PIGX: variants seen among roughly 807,000 people sequenced by gnomAD.
The protein encoded by PIGX is GPI alpha-1,4-mannosyltransferase I, stabilizing subunit.
PIGX carries 24 observed loss-of-function variants against 28.7 expected under a neutral mutation model. That is an observed-to-expected ratio of 0.84 (90% CI 0.60 to 1.17). PIGX has a LOEUF of 1.17. PIGX is among the 50% of genes most tolerant of loss of function. The pLI is 0.00. For missense variants in PIGX, 305 were observed against 317.8 expected (o/e 0.96, Z 0.31); for synonymous variants, 127 against 121.0 (o/e 1.05, Z -0.33).
Position 196,735,291 on chromosome 3 carries a change from T to G in PIGX, c.*1389T>G, listed in dbSNP as rs1712960873. On this transcript the variant is annotated 3_prime_UTR_variant, in exon 6 of 6. Transcript: ENST00000392391. The stretch of plus-strand genomic sequence containing the variant: ...GCCTGGGCGACAGAGTGAGACTCTG[T>G]CTCAAAAAAAAAAAAAAAAAAAAAA... 1 of 35,244 alleles carries G rather than the reference T, an allele frequency of 2.8e-5. No individual in the cohort carries two copies. The highest frequency in any genetic ancestry group is 4.6e-5 in the Non-Finnish European group (1 of 21,650). 2.2% of individuals were successfully genotyped at this position (35,244 alleles called of 1,614,324 possible). A position where few individuals can be genotyped will look rare whatever the true frequency, so the allele number is the denominator to read the frequency against.
intron 3 of PIGX, among the ~76,000 whole-genome samples, chr3:196,723,535 G>C (rs1005215637): frequency 2.0e-5 from 3 of 151,950 alleles, no homozygotes; most frequent in Non-Finnish European, 4.4e-5. Flanking sequence ...CTTTTGTACA[G>C]AGTATTGCCT....
chr3:196,733,912 A>G lies in PIGX; in HGVS notation c.*10A>G. 1 of 1,526,332 alleles carries G rather than the reference A, an allele frequency of 6.6e-7. No individual in the cohort carries two copies. 94.5% of individuals were successfully genotyped at this position (1,526,332 alleles called of 1,614,324 possible). A position where few individuals can be genotyped will look rare whatever the true frequency, so the allele number is the denominator to read the frequency against. On this transcript the variant is annotated 3_prime_UTR_variant, in exon 6 of 6. Transcript: ENST00000392391. The surrounding 1 kb of genome is among the most constrained non-coding windows in gnomAD (Gnocchi z 4.3). ...CCATTTTTCCCTATAAGTTTTATGT[A>G]GTTAAATGCTTCCTAGAAACCTAAA...
At position 196,712,642 on chromosome 3, in the gene PIGX, C is replaced by G; in HGVS notation, c.110C>G (p.Ala37Gly). Residue 37 changes from alanine (A) to glycine (G), a missense_variant and splice_region_variant, in exon 1 of 6, where the codon GCC (alanine) becomes GGC (glycine). Transcript: ENST00000392391. ...GCCTTCACCGCCGCGCGCTCTGACG[C>G]CGGTAAGGGGGGCGGGGCTTGGGGG... 8.4e-7 allele frequency: 1 copy of G among 1,189,302 alleles called. No homozygotes were observed. Among genetic ancestry groups the G allele is most frequent in the Non-Finnish European group, 1.0e-6 (1 of 960,408 alleles). The allele number at this position is 1,189,302 out of a possible 1,614,324, so 73.7% of individuals were successfully genotyped here.
intron 3 of PIGX, among the ~76,000 whole-genome samples, chr3:196,727,421 T>C (rs1712567031): frequency 6.6e-6 from 1 of 152,236 alleles, no homozygotes; most frequent in African/African-American, 2.4e-5. Flanking sequence ...ATACCGTCTC[T>C]AGAAAGAGTG....
intron 4 of PIGX, among the ~76,000 whole-genome samples, chr3:196,730,647 C>T (rs1394727541): frequency 2.0e-5 from 3 of 149,282 alleles, no homozygotes; most frequent in Non-Finnish European, 4.4e-5. Context: ...ACTCTGGAGG[C>T]TGAGGCAGGA....
Position 196,735,279 on chromosome 3 carries a change from A to C in PIGX, c.*1377A>C, listed in dbSNP as rs1712960292. Reference sequence around the variant, plus strand: ...CACTGCACTCCAGCCTGGGCGACAGAGTGAGACTCTGTCTCAAAAAAAAAA... The same window carrying C: ...CACTGCACTCCAGCCTGGGCGACAGCGTGAGACTCTGTCTCAAAAAAAAAA... On this transcript the variant is annotated 3_prime_UTR_variant, in exon 6 of 6. Coordinates refer to ENST00000392391, the MANE Select transcript of PIGX (RefSeq NM_017861.4). 1 of 119,682 alleles carries C rather than the reference A, an allele frequency of 8.4e-6. No homozygotes were observed. Among genetic ancestry groups the C allele is most frequent in the South Asian group, 3.1e-4 (1 of 3,240 alleles). The allele number at this position is 119,682 out of a possible 1,614,324, so 7.4% of individuals were successfully genotyped here. A position where few individuals can be genotyped will look rare whatever the true frequency, so the allele number is the denominator to read the frequency against.
At chr3:196,728,889 G>T in intron 4 of PIGX, 1 of 572,010 alleles carries the variant, frequency 1.7e-6, no homozygotes, top group Non-Finnish European at 3.1e-6. Flanking sequence ...GCAGGACTCT[G>T]GCTTTTGATG....
Position 196,733,779 on chromosome 3 carries a change from A to G in PIGX, c.654A>G (p.Leu218=), listed in dbSNP as rs113769889. The G allele has an allele frequency of 3.8e-6, 6 of 1,594,596 alleles. No homozygotes were observed. Among genetic ancestry groups the G allele is most frequent in the Admixed American group, 1.7e-5 (1 of 59,986 alleles). ...CATAGGTATATAAGAATGTGATTCT[A>G]CAAGTTCCAGTGGGACTGACTGTAC... Residue 218 remains leucine, a synonymous_variant, in exon 6 of 6, where the codon CTA becomes CTG. Coordinates refer to ENST00000392391, the MANE Select transcript of PIGX (RefSeq NM_017861.4). This position sits in a 1 kb window ranked among gnomAD's most constrained non-coding sequence, Gnocchi z 4.3.
rs1712907949 is a variant in PIGX, at chr3:196,733,694, T to G, written c.634-65T>G. ...TCCCGAAGTGCTGGGATTACAGGCA[T>G]GAGCTACCACACCGGGCCCATGACA... On this transcript the variant is annotated intron_variant, in intron 5 of 5. Transcript: ENST00000392391. The surrounding 1 kb of genome is among the most constrained non-coding windows in gnomAD (Gnocchi z 4.3). 3,833 of 1,209,648 alleles carry G rather than the reference T, an allele frequency of 3.2e-3. No homozygotes were observed. The highest frequency in any genetic ancestry group is 4.2e-3 in the Non-Finnish European group (3,455 of 826,506). The allele number at this position is 1,209,648 out of a possible 1,614,324, so 74.9% of individuals were successfully genotyped here.
At chr3:196,723,015 C>T (rs1429453878) in intron 3 of PIGX, among the ~76,000 whole-genome samples, 1 of 152,144 alleles carries the variant, frequency 6.6e-6, no homozygotes, top group African/African-American at 2.4e-5. Flanking sequence ...ATCTTTATAA[C>T]AACCCTGGAG....
intron 2 of PIGX, chr3:196,717,801 T>TA (rs1455301204): frequency 1.3e-5 from 2 of 152,154 alleles, no homozygotes; most frequent in Non-Finnish European, 2.9e-5. Context: ...CACTATGTCT[T>TA]ACTACAGTTG....
chr3:196,715,192 C>T (rs1712048908), intron 1 of PIGX, among the ~76,000 whole-genome samples: 1 of 152,150 alleles, frequency 6.6e-6, no homozygotes, highest in Non-Finnish European at 1.5e-5. Flanking sequence ...ATATGCTTCT[C>T]CAAAGCAAAT....
Position 196,727,989 on chromosome 3 carries a change from C to G in PIGX, c.385C>G (p.Leu129Val), listed in dbSNP as rs769945797. ...CTATTTGTCCAAGGAGTCTGAAGTT[C>G]TCATTTATGCCAGACGAGATTCACA... Residue 129 changes from leucine (L) to valine (V), a missense_variant, in exon 4 of 6, where the codon CTC (leucine) becomes GTC (valine). Physicochemically the swap from Leu to Val is conservative, Grantham distance 32. Coordinates refer to ENST00000392391, the MANE Select transcript of PIGX (RefSeq NM_017861.4). 11 of 1,614,050 alleles carry G rather than the reference C, an allele frequency of 6.8e-6. No individual in the cohort carries two copies. Among genetic ancestry groups the G allele is most frequent in the Admixed American group, 1.7e-5 (1 of 60,016 alleles).
intron 2 of PIGX, 108 bp downstream of exon 2, chr3:196,717,029 G>A (rs1047851441): frequency 3.0e-5 from 20 of 661,960 alleles, no homozygotes; most frequent in Admixed American, 1.7e-4. Flanking sequence ...GGCCAGATGC[G>A]GTGGCTCTCA....
At position 196,735,294 on chromosome 3, in the gene PIGX, C is replaced by CAAAAAAAAAAAAAAAAA. The variant is rs60317348; in HGVS notation, c.*1406_*1422dup. On this transcript the variant is annotated 3_prime_UTR_variant, in exon 6 of 6. Coordinates refer to ENST00000392391, the MANE Select transcript of PIGX (RefSeq NM_017861.4). ...TGGGCGACAGAGTGAGACTCTGTCTCAAAAAAAAAAAAAAAAAAAAAAAAA... is the reference window on the plus strand; with the variant it reads ...TGGGCGACAGAGTGAGACTCTGTCTCAAAAAAAAAAAAAAAAAAAAAAAAAAAAAAAAAAAAAAAAAA... The CAAAAAAAAAAAAAAAAA allele has an allele frequency of 2.4e-4, 11 of 45,234 alleles. No homozygotes were observed. The highest frequency in any genetic ancestry group is 5.8e-4 in the African/African-American group (7 of 12,008). 2.8% of individuals were successfully genotyped at this position (45,234 alleles called of 1,614,324 possible).
At chr3:196,731,253 C>T (rs1288843618) in intron 5 of PIGX, among the ~76,000 whole-genome samples, 161 bp downstream of exon 5, 4 of 151,808 alleles carry the variant, frequency 2.6e-5, no homozygotes, top group Non-Finnish European at 5.9e-5. Context: ...TCTCGGCTCA[C>T]TGCAGCCTCC....
intron 1 of PIGX, among the ~76,000 whole-genome samples, chr3:196,715,047 G>T (rs1377231145): frequency 6.6e-6 from 1 of 152,150 alleles, no homozygotes; most frequent in African/African-American, 2.4e-5. Context: ...CTGCAGTGCA[G>T]CCTGGCAACA....
At chr3:196,716,579 T>C (rs1283498738) in intron 1 of PIGX, among the ~76,000 whole-genome samples, 1 of 152,208 alleles carries the variant, frequency 6.6e-6, no homozygotes, top group Non-Finnish European at 1.5e-5. Context: ...AGTAGAGAGA[T>C]AAACTATCTT....
chr3:196,720,234 C>T (rs192124009), intron 2 of PIGX, among the ~76,000 whole-genome samples: 386 of 152,326 alleles, frequency 2.5e-3, no homozygotes, highest in Middle Eastern at 6.8e-3. Context: ...CTCCTCCCAG[C>T]TCCTGGCAAC....
Sources: allele counts gnomAD v4.1 joint callset (sites outside exome capture counted in the v4.1 genomes callset), GRCh38; gene constraint gnomAD v4.1.1; non-coding constraint Gnocchi (gnomAD v3.1); transcripts MANE v1.5; gene names NCBI Gene and HGNC (gene_info 2026-07-23, HGNC 2026-07-21).